Variants in DRC12 observed in about 807,000 individuals in gnomAD.
DRC12 encodes dynein regulatory complex protein 12.
At chr11:119,191,623 A>G in the DRC12 span, among the ~76,000 whole-genome samples, 1 of 151,546 alleles carries the variant, frequency 6.6e-6, no homozygotes, top group African/African-American at 2.4e-5. Context: ...CCCGGCCAAC[A>G]TAGGTGAATC....
At chr11:119,190,639 C>T in the DRC12 span, 123 of 1,575,304 alleles carry the variant, frequency 7.8e-5, no homozygotes, top group African/African-American at 1.2e-3. The surrounding 1 kb of genome is among the most constrained non-coding windows in gnomAD (Gnocchi z 4.2). Context: ...AGTCATCATA[C>T]GAGCTGGGGT....
the DRC12 span, chr11:119,193,840 T>C: frequency 6.4e-7 from 1 of 1,551,594 alleles, no homozygotes; most frequent in Non-Finnish European, 8.7e-7. Context: ...CTGCCTCAGC[T>C]GGTCTTCGGA....
chr11:119,190,520 G>T, the DRC12 span: 36 of 1,599,946 alleles, frequency 2.3e-5, no homozygotes, highest in South Asian at 4.0e-4. This position sits in a 1 kb window ranked among gnomAD's most constrained non-coding sequence, Gnocchi z 4.2. Context: ...CCCCAGGTTG[G>T]TTCATAAGCT....
chr11:119,190,539 C>A, the DRC12 span: 1 of 1,581,802 alleles, frequency 6.3e-7, no homozygotes, highest in Non-Finnish European at 8.7e-7. The surrounding 1 kb of genome is among the most constrained non-coding windows in gnomAD (Gnocchi z 4.2). Context: ...CTTTCCTTGC[C>A]CAGTAGACAT....
chr11:119,195,268 C>CA, the DRC12 span: 1 of 706,050 alleles, frequency 1.4e-6, no homozygotes, highest in East Asian at 2.7e-5. Context: ...CCCACTTCCT[C>CA]AGCTCCCTGG....
At chr11:119,190,281 G>A in the DRC12 span, 1 of 1,614,040 alleles carries the variant, frequency 6.2e-7, no homozygotes, top group Non-Finnish European at 8.5e-7. This position sits in a 1 kb window ranked among gnomAD's most constrained non-coding sequence, Gnocchi z 4.2. Flanking sequence ...ACACTTTATT[G>A]CTGGGGCCTC....
chr11:119,193,547 G>A, the DRC12 span: 7 of 1,413,582 alleles, frequency 5.0e-6, no homozygotes, highest in South Asian at 1.5e-5. Flanking sequence ...TCAAGCACAT[G>A]GCACCAGGCA....
the DRC12 span, chr11:119,190,992 C>T: frequency 6.5e-6 from 6 of 926,258 alleles, no homozygotes; most frequent in Non-Finnish European, 9.5e-6. This position sits in a 1 kb window ranked among gnomAD's most constrained non-coding sequence, Gnocchi z 4.2. Flanking sequence ...AAAGCTGAAG[C>T]TCCACTGAGG....
the DRC12 span, chr11:119,195,822 G>A: frequency 3.9e-5 from 9 of 228,778 alleles, no homozygotes; most frequent in East Asian, 1.2e-4. Context: ...TCCTGCCAGC[G>A]TTGGGGCTCC....
At chr11:119,193,280 T>C in the DRC12 span, 1 of 1,549,692 alleles carries the variant, frequency 6.5e-7, no homozygotes, top group Non-Finnish European at 8.9e-7. Context: ...GGACCCAGGT[T>C]GGAGATGGAG....
At chr11:119,195,171 T>A in the DRC12 span, 75 of 633,224 alleles carry the variant, frequency 1.2e-4, 2 homozygotes, top group South Asian at 1.4e-3. Flanking sequence ...GACCAGCACA[T>A]AACAGATATG....
the DRC12 span, chr11:119,193,919 G>T: frequency 6.5e-7 from 1 of 1,545,264 alleles, no homozygotes; most frequent in Non-Finnish European, 8.7e-7. Context: ...GTCAGGACTG[G>T]CTGGGTCCCA....
chr11:119,194,879 C>A, the DRC12 span: 1 of 1,457,270 alleles, frequency 6.9e-7, no homozygotes, highest in South Asian at 1.2e-5. Flanking sequence ...TGCCCCATTT[C>A]ACTTCCCCTG....
chr11:119,194,892 G>T, the DRC12 span: 6 of 1,514,978 alleles, frequency 4.0e-6, no homozygotes, highest in Non-Finnish European at 5.4e-6. Context: ...TTCCCCTGTT[G>T]CCCACCCATG....
At chr11:119,194,532 A>AT in the DRC12 span, among the ~76,000 whole-genome samples, 128 of 139,208 alleles carry the variant, frequency 9.2e-4, 1 homozygote, top group East Asian at 4.5e-3. Flanking sequence ...AAAAAAAAAA[A>AT]AAAAAAAAAA....
At chr11:119,190,453 C>T in the DRC12 span, 2 of 1,614,006 alleles carry the variant, frequency 1.2e-6, no homozygotes, top group Non-Finnish European at 1.7e-6. This position sits in a 1 kb window ranked among gnomAD's most constrained non-coding sequence, Gnocchi z 4.2. Context: ...CCAGACTGTC[C>T]TGCAGACATC....
At chr11:119,190,623 G>A in the DRC12 span, 1 of 1,567,134 alleles carries the variant, frequency 6.4e-7, no homozygotes, top group Non-Finnish European at 8.7e-7. The surrounding 1 kb of genome is among the most constrained non-coding windows in gnomAD (Gnocchi z 4.2). Context: ...TTAACCCTGG[G>A]TTGTCAGTCA....
chr11:119,190,631 T>C, the DRC12 span: 2 of 1,571,602 alleles, frequency 1.3e-6, no homozygotes, highest in Non-Finnish European at 1.7e-6. This position sits in a 1 kb window ranked among gnomAD's most constrained non-coding sequence, Gnocchi z 4.2. Flanking sequence ...GGGTTGTCAG[T>C]CATCATACGA....
chr11:119,195,317 GC>G, the DRC12 span: 1 of 1,037,262 alleles, frequency 9.6e-7, no homozygotes, highest in South Asian at 1.5e-5. Flanking sequence ...GGTCAAGAGA[GC>G]TCCATCCTGT....
Sources: gnomAD v4.1 joint callset for allele counts (sites outside exome capture counted in the v4.1 genomes callset) on GRCh38, gnomAD v4.1.1 for gene constraint, Gnocchi (gnomAD v3.1) non-coding constraint, MANE v1.5 for transcripts, NCBI Gene and HGNC (gene_info 2026-07-23, HGNC 2026-07-21) for gene names.